SLC9C1: variants seen among roughly 807,000 people sequenced by gnomAD.
The protein encoded by SLC9C1 is sodium/hydrogen exchanger 10.
In SLC9C1, 97 loss-of-function variants were observed where a neutral mutation model predicts 140.9. The ratio of observed to expected loss-of-function variants is 0.69; its 90% CI spans 0.58 to 0.82. The LOEUF is 0.82. Among genes scored for constraint, SLC9C1 ranks in the 40% least tolerant of loss-of-function variants. The probability of loss-of-function intolerance (pLI) is 0.00; values close to 1 mark genes in which losing one functional copy is unlikely to be tolerated. For missense variants in SLC9C1, 1,340 were observed against 1,389.3 expected (o/e 0.96, Z 0.56); for synonymous variants, 440 against 442.6 (o/e 0.99, Z 0.07).
intron 12 of SLC9C1, among the ~76,000 whole-genome samples, chr3:112,235,871 C>T (rs1478319111): frequency 1.3e-5 from 2 of 152,134 alleles, no homozygotes; most frequent in African/African-American, 4.8e-5. Context: ...TTTGGTTTGC[C>T]AGTATTTTAT....
At chr3:112,180,394 G>A (rs1366860419) in intron 22 of SLC9C1, among the ~76,000 whole-genome samples, 170 bp downstream of exon 22, 2 of 152,016 alleles carry the variant, frequency 1.3e-5, no homozygotes, top group African/African-American at 2.4e-5. Context: ...GTGGTGGTGC[G>A]TGCCTGCAAT....
intron 26 of SLC9C1, among the ~76,000 whole-genome samples, chr3:112,156,848 T>A: frequency 6.6e-6 from 1 of 152,096 alleles, no homozygotes; most frequent in Non-Finnish European, 1.5e-5. Context: ...TCTCTTCAGA[T>A]CTTTTGTGTA....
chr3:112,145,930 A>G (rs1345749445), intron 28 of SLC9C1, among the ~76,000 whole-genome samples: 1 of 152,084 alleles, frequency 6.6e-6, no homozygotes, highest in Non-Finnish European at 1.5e-5. Context: ...GTCTGCCACT[A>G]TATGAGATGT....
At chr3:112,236,870 G>A (rs545246533) in intron 12 of SLC9C1, among the ~76,000 whole-genome samples, 19 of 152,354 alleles carry the variant, frequency 1.2e-4, no homozygotes, top group Non-Finnish European at 1.9e-4. Flanking sequence ...TTGCTGAGGA[G>A]TGCTTTACTT....
At chr3:112,157,488 C>A (rs987123445) in intron 26 of SLC9C1, among the ~76,000 whole-genome samples, 2 of 151,948 alleles carry the variant, frequency 1.3e-5, no homozygotes, top group African/African-American at 4.8e-5. Flanking sequence ...CTCAAGACTG[C>A]TGTGGCTATT....
intron 1 of SLC9C1, among the ~76,000 whole-genome samples, chr3:112,288,107 A>T (rs1267701176): frequency 4.0e-5 from 6 of 150,208 alleles, no homozygotes; most frequent in Admixed American, 1.3e-4. Flanking sequence ...AACCTGGCAA[A>T]TTTTTTTTTC....
At chr3:112,213,990 G>T (rs1022101677) in intron 15 of SLC9C1, among the ~76,000 whole-genome samples, 2 of 152,164 alleles carry the variant, frequency 1.3e-5, no homozygotes, top group Admixed American at 6.5e-5. Context: ...TAAAAGAACA[G>T]AAATTATAAC....
chr3:112,199,226 G>A, intron 20 of SLC9C1, 95 bp downstream of exon 20: 1 of 976,356 alleles, frequency 1.0e-6, no homozygotes. Flanking sequence ...TCCTATCTTA[G>A]AAATGGCCTG....
intron 23 of SLC9C1, among the ~76,000 whole-genome samples, chr3:112,175,594 C>T (rs762071139): frequency 8.5e-5 from 13 of 152,186 alleles, no homozygotes; most frequent in African/African-American, 2.4e-4. Flanking sequence ...TCCCTCTGGG[C>T]GCTCTGTAAC....
chr3:112,244,198 A>T, intron 10 of SLC9C1, 122 bp from the exon 11 acceptor site: 1 of 515,338 alleles, frequency 1.9e-6, no homozygotes, highest in Non-Finnish European at 3.3e-6. Flanking sequence ...CTGTGTTAAT[A>T]GATGCTCATG....
intron 3 of SLC9C1, among the ~76,000 whole-genome samples, chr3:112,279,726 T>C (rs1490676967): frequency 1.3e-5 from 2 of 152,248 alleles, no homozygotes; most frequent in Non-Finnish European, 2.9e-5. Flanking sequence ...TAACCCAATG[T>C]AGGTGCAGAT....
intron 2 of SLC9C1, among the ~76,000 whole-genome samples, chr3:112,282,109 G>T (rs1481415187): frequency 2.0e-5 from 3 of 152,146 alleles, no homozygotes; most frequent in Non-Finnish European, 4.4e-5. Flanking sequence ...CACCTGAGAG[G>T]TACAAAAACC....
intron 15 of SLC9C1, among the ~76,000 whole-genome samples, chr3:112,209,976 G>C (rs896936484): frequency 2.0e-5 from 3 of 152,006 alleles, no homozygotes; most frequent in African/African-American, 7.2e-5. Context: ...GCAGAAACAG[G>C]CAAGATAATC....
intron 22 of SLC9C1, 43 bp downstream of exon 22, chr3:112,180,521 C>T: frequency 6.5e-7 from 1 of 1,527,838 alleles, no homozygotes; most frequent in Non-Finnish European, 8.9e-7. Context: ...GAAACTCTGT[C>T]TCAAAACAAA....
chr3:112,278,544 G>T (rs1307385999), intron 4 of SLC9C1, among the ~76,000 whole-genome samples, 185 bp downstream of exon 4: 1 of 152,018 alleles, frequency 6.6e-6, no homozygotes, highest in Non-Finnish European at 1.5e-5. Context: ...TTTCCCCTGG[G>T]TCTTTGATAT....
chr3:112,203,316 T>A (rs13060187), intron 17 of SLC9C1, among the ~76,000 whole-genome samples: 1 of 151,730 alleles, frequency 6.6e-6, no homozygotes, highest in Non-Finnish European at 1.5e-5. Context: ...AGGCTCTGTA[T>A]ACCTTCCTAT....
intron 12 of SLC9C1, among the ~76,000 whole-genome samples, chr3:112,238,578 C>G (rs2079056166): frequency 6.6e-6 from 1 of 152,170 alleles, no homozygotes; most frequent in African/African-American, 2.4e-5. Context: ...TTTTCCCCAT[C>G]TTTGTGGTTT....
At chr3:112,179,160 G>C (rs2077393238) in intron 23 of SLC9C1, among the ~76,000 whole-genome samples, 1 of 152,082 alleles carries the variant, frequency 6.6e-6, no homozygotes, top group Admixed American at 6.6e-5. Context: ...CATGTGTAGG[G>C]AAACTTCCAG....
At chr3:112,168,806 T>C in intron 25 of SLC9C1, 71 bp downstream of exon 25, 1 of 1,357,978 alleles carries the variant, frequency 7.4e-7, no homozygotes, top group Non-Finnish European at 9.9e-7. Context: ...ATAGTGACAG[T>C]TTTTCTGACG....
Sources: allele counts gnomAD v4.1 joint callset (sites outside exome capture counted in the v4.1 genomes callset), GRCh38; gene constraint gnomAD v4.1.1; transcripts MANE v1.5; gene names NCBI Gene and HGNC (gene_info 2026-07-23, HGNC 2026-07-21).